The following SLC9A8 variants were observed in gnomAD, a reference collection of about 807,000 sequenced individuals.
SLC9A8 encodes solute carrier family 9 member A8, also known as sodium/hydrogen exchanger 8.
Under a neutral mutation model 66.6 loss-of-function variants are expected in SLC9A8, and 48 were observed. That is an observed-to-expected ratio of 0.72 (90% CI 0.57 to 0.92). The LOEUF is 0.92. SLC9A8 is among the 40% of genes least tolerant of loss of function. The pLI is 0.00. For missense variants in SLC9A8, 599 were observed against 747.3 expected, an observed-to-expected ratio of 0.80 and a Z score of 2.31; for synonymous variants, 274 against 282.6, an observed-to-expected ratio of 0.97 and a Z score of 0.31.
chr20:49,880,754 G>A (rs746155486), intron 12 of SLC9A8, among the ~76,000 whole-genome samples, 170 bp from the exon 13 acceptor site: 4 of 152,174 alleles, frequency 2.6e-5, no homozygotes, highest in Non-Finnish European at 5.9e-5. Context: ...GTGGCAGCAC[G>A]CCCATGCTGG....
At chr20:49,850,693 C>T in intron 6 of SLC9A8, 117 bp from the exon 7 acceptor site, 1 of 1,323,652 alleles carries the variant, frequency 7.6e-7, no homozygotes, top group African/African-American at 1.5e-5. Context: ...GGTTTGGGAA[C>T]TGAAGATTAA....
At position 49,884,022 on chromosome 20, in the gene SLC9A8, C is replaced by A; in HGVS notation, c.1447C>A (p.Arg483Ser). 1 of 1,613,612 alleles carries A rather than the reference C, an allele frequency of 6.2e-7. No homozygotes were observed. The highest frequency in any genetic ancestry group is 8.5e-7 in the Non-Finnish European group (1 of 1,180,000). Residue 483 changes from arginine to serine, a missense_variant, in exon 14 of 16, where the codon CGC (arginine) becomes AGC (serine). Arg to Ser is a moderately radical substitution (Grantham distance 110). Around this residue, in one of 2 missense-constraint regions of SLC9A8, gnomAD observed 467 missense variants for 626.5 expected, o/e 0.75. Transcript: ENST00000361573. ...GGACATCGAGGACGCCAAGGCACAC[C>A]GCAGGAACAAGAAGGACGTCAACCT... Reference protein sequence around the residue: ...LMDIEDAKAHRRNKKDVNLSK... With the variant: ...LMDIEDAKAHSRNKKDVNLSK...
Position 49,884,009 on chromosome 20 carries a change from C to T in SLC9A8, c.1434C>T (p.Asp478=), listed in dbSNP as rs148997057. Residue 478 remains aspartate (D), a synonymous_variant, in exon 14 of 16, where the codon GAC becomes GAT. Transcript: ENST00000361573. ...MPLIRLMDIE[D]AKAHRRNKKD... is the part of the protein sequence containing the mutation. ...TCATTCGCCTCATGGACATCGAGGACGCCAAGGCACACCGCAGGAACAAGA... is the reference window on the plus strand; with the variant it reads ...TCATTCGCCTCATGGACATCGAGGATGCCAAGGCACACCGCAGGAACAAGA... 2.4e-5 allele frequency: 38 copies of T among 1,613,532 alleles called. No homozygotes were observed. The Middle Eastern group carries it at 4.9e-4, about 21-fold the overall frequency.
chr20:49,835,367 A>G (rs2087488333), intron 3 of SLC9A8, among the ~76,000 whole-genome samples: 1 of 152,192 alleles, frequency 6.6e-6, no homozygotes, highest in African/African-American at 2.4e-5. Context: ...TAATTCACAT[A>G]TCATAAATTT....
intron 14 of SLC9A8, chr20:49,884,276 CACACACACACACG>C (rs2089781852): frequency 9.4e-5 from 15 of 159,080 alleles, no homozygotes; most frequent in Admixed American, 3.6e-4. Flanking sequence ...ACACACACGA[CACACACACACACG>C]ACACACACAC....
At chr20:49,879,454 A>G (rs1015784834) in intron 12 of SLC9A8, among the ~76,000 whole-genome samples, 6 of 152,240 alleles carry the variant, frequency 3.9e-5, no homozygotes, top group African/African-American at 1.4e-4. Context: ...GACCTTTGCA[A>G]GGATTTAAAT....
chr20:49,846,172 T>C (rs2087981485), intron 5 of SLC9A8, among the ~76,000 whole-genome samples: 1 of 152,212 alleles, frequency 6.6e-6, no homozygotes, highest in Non-Finnish European at 1.5e-5. Context: ...AGCAGGAGCT[T>C]CTCACTTTTA....
At chr20:49,856,693 G>T (rs2088498709) in intron 8 of SLC9A8, among the ~76,000 whole-genome samples, 1 of 151,962 alleles carries the variant, frequency 6.6e-6, no homozygotes, top group Non-Finnish European at 1.5e-5. Context: ...TTGGTGGCGG[G>T]TGCCTGTAAT....
At chr20:49,867,084 C>G (rs2089001650) in intron 10 of SLC9A8, among the ~76,000 whole-genome samples, 1 of 152,256 alleles carries the variant, frequency 6.6e-6, no homozygotes, top group Non-Finnish European at 1.5e-5. Context: ...TCTCTGTCAA[C>G]TGTAGGTCTG....
chr20:49,847,032 A>C (rs1348774526), intron 5 of SLC9A8, among the ~76,000 whole-genome samples: 2 of 152,232 alleles, frequency 1.3e-5, no homozygotes, highest in Non-Finnish European at 2.9e-5. Flanking sequence ...TTTGGTAAAA[A>C]CATAGAAATT....
chr20:49,812,979 C>A, intron 1 of SLC9A8, 31 bp downstream of exon 1: 1 of 1,383,990 alleles, frequency 7.2e-7, no homozygotes. Context: ...GCGGCGGAGG[C>A]GGCGGGGCTG....
intron 14 of SLC9A8, chr20:49,884,274 G>GACACACACAC: frequency 2.2e-4 from 27 of 120,566 alleles, no homozygotes; most frequent in South Asian, 7.1e-4. Flanking sequence ...ACACACACAC[G>GACACACACAC]ACACACACAC....
At chr20:49,854,782 G>A (rs556456309) in intron 7 of SLC9A8, among the ~76,000 whole-genome samples, 2 of 152,246 alleles carry the variant, frequency 1.3e-5, no homozygotes, top group Non-Finnish European at 2.9e-5. Context: ...TTGAGTCACC[G>A]TATGTGAAGT....
chr20:49,862,979 A>G lies in SLC9A8; in HGVS notation c.764A>G (p.Gln255Arg), dbSNP rs760801330. ...AATATGTCAGATGTCAGTGGGTGGC[A>G]AACATTTTTACAAGCCCTTGACTAC... ...RKNMSDVSGW[Q>R]TFLQALDYFL... The change falls in exon 9 of 16, where the codon CAA becomes CGA. Residue 255 changes from glutamine to arginine, a missense_variant. Gln to Arg is a conservative substitution (Grantham distance 43, BLOSUM62 1). Coordinates refer to ENST00000361573, the MANE Select transcript of SLC9A8 (RefSeq NM_015266.3). 27 of 1,613,898 alleles carry G rather than the reference A, an allele frequency of 1.7e-5. 1 individual carries two copies. The East Asian group carries it at 3.6e-4, about 21-fold the overall frequency.
chr20:49,827,645 G>A (rs1465597023), intron 3 of SLC9A8, among the ~76,000 whole-genome samples: 1 of 151,122 alleles, frequency 6.6e-6, no homozygotes, highest in Non-Finnish European at 1.5e-5. Flanking sequence ...ATACTTGTAA[G>A]CGTATGGCCA....
intron 10 of SLC9A8, among the ~76,000 whole-genome samples, chr20:49,874,207 TC>T: frequency 6.6e-6 from 1 of 151,086 alleles, no homozygotes; most frequent in East Asian, 2.0e-4. Flanking sequence ...TGAGCCAAGA[TC>T]GCACGCACTA....
chr20:49,839,722 T>A (rs1455325581), intron 4 of SLC9A8, 123 bp downstream of exon 4: 2 of 500,812 alleles, frequency 4.0e-6, no homozygotes, highest in East Asian at 3.5e-5. Flanking sequence ...CATTACTTTT[T>A]AATTTTTTTA....
At chr20:49,883,071 G>A (rs1218043450) in intron 13 of SLC9A8, among the ~76,000 whole-genome samples, 2 of 137,678 alleles carry the variant, frequency 1.5e-5, no homozygotes, top group African/African-American at 5.5e-5. Context: ...TATTTGCTGT[G>A]CCTCCTCCCA....
intron 3 of SLC9A8, among the ~76,000 whole-genome samples, chr20:49,835,851 G>A (rs2087514207): frequency 6.6e-6 from 1 of 151,544 alleles, no homozygotes. Flanking sequence ...ACGCCCAACT[G>A]CTTTTTTTGT....
Sources: allele counts gnomAD v4.1 joint callset (sites outside exome capture counted in the v4.1 genomes callset), GRCh38; gene constraint gnomAD v4.1.1; regional missense constraint gnomAD v4.1.1; transcripts MANE v1.5; gene names NCBI Gene and HGNC (gene_info 2026-07-23, HGNC 2026-07-21).